NXPH2: variants seen among roughly 807,000 people sequenced by gnomAD.
The protein encoded by NXPH2 is neurexophilin 2.
Under a neutral mutation model 19.8 loss-of-function variants are expected in NXPH2, and 5 were observed. The observed-to-expected ratio is 0.25, with a 90% CI of 0.13 to 0.53. The LOEUF (loss-of-function observed/expected upper bound fraction) is 0.53, where lower values mean the gene tolerates loss of function less well. Among genes scored for constraint, NXPH2 ranks in the 20% least tolerant of loss-of-function variants. NXPH2 has a pLI of 0.96. For missense variants in NXPH2, 289 were observed against 322.8 expected (o/e 0.90, Z 0.80); for synonymous variants, 154 against 127.4 (o/e 1.21, Z -1.41).
At chr2:138,734,327 T>C (rs1343669530) in intron 1 of NXPH2, among the ~76,000 whole-genome samples, 1 of 152,212 alleles carries the variant, frequency 6.6e-6, no homozygotes, top group African/African-American at 2.4e-5. Flanking sequence ...AGGATTTACA[T>C]TGGAGATATT....
chr2:138,714,034 C>A (rs1681152546), intron 1 of NXPH2, among the ~76,000 whole-genome samples: 1 of 151,730 alleles, frequency 6.6e-6, no homozygotes. Context: ...GCAAGAAGAG[C>A]TTCTTTCTTT....
chr2:138,773,203 G>T (rs927411172), intron 1 of NXPH2, among the ~76,000 whole-genome samples: 45 of 152,210 alleles, frequency 3.0e-4, no homozygotes, highest in African/African-American at 1.0e-3. Flanking sequence ...GAGCAACAGG[G>T]TAGGAACTGA....
chr2:138,729,932 C>A (rs766400417), intron 1 of NXPH2, among the ~76,000 whole-genome samples: 1 of 152,152 alleles, frequency 6.6e-6, no homozygotes, highest in African/African-American at 2.4e-5. Flanking sequence ...GACTGGGAGG[C>A]TTAAACAACA....
At chr2:138,714,072 C>T (rs1681153166) in intron 1 of NXPH2, among the ~76,000 whole-genome samples, 1 of 151,918 alleles carries the variant, frequency 6.6e-6, no homozygotes, top group South Asian at 2.1e-4. Context: ...AGTGTAGCAG[C>T]TTAAATATAT....
chr2:138,738,040 T>G (rs1681580508), intron 1 of NXPH2, among the ~76,000 whole-genome samples: 1 of 151,878 alleles, frequency 6.6e-6, no homozygotes, highest in South Asian at 2.1e-4. Flanking sequence ...TAACATTAGG[T>G]GTATCTCCTA....
At chr2:138,748,534 A>G (rs967893950) in intron 1 of NXPH2, among the ~76,000 whole-genome samples, 2 of 152,152 alleles carry the variant, frequency 1.3e-5, no homozygotes. Context: ...TTATTGCTGA[A>G]ATGGATAGAA....
intron 1 of NXPH2, among the ~76,000 whole-genome samples, chr2:138,771,140 T>C (rs1339675493): frequency 1.3e-5 from 2 of 152,108 alleles, no homozygotes; most frequent in Non-Finnish European, 2.9e-5. Context: ...GGAATTTGTG[T>C]TACAGGTATA....
chr2:138,670,697 T>TAGA lies in NXPH2; in HGVS notation c.*224_*225insTCT. The TAGA allele has an allele frequency of 4.6e-6, 2 of 437,048 alleles. No individual in the cohort carries two copies. The highest frequency in any genetic ancestry group is 9.9e-5 in the South Asian group (2 of 20,210). The allele number at this position is 437,048 out of a possible 1,614,324, so 27.1% of individuals were successfully genotyped here. On this transcript the variant is annotated 3_prime_UTR_variant, in exon 2 of 2. Transcript: ENST00000272641. ...AGTCATCTTGCATGAAAGTGATGGT[T>TAGA]TCATAAACAGTTTAACTTTTTAGAT...
Position 138,685,696 on chromosome 2 carries a change from T to C in NXPH2, c.52-14031A>G, listed in dbSNP as rs570046846. 2.0e-5 allele frequency among the ~76,000 whole-genome samples: 3 copies of C among 152,328 alleles called. No homozygotes were observed. The South Asian group carries it at 6.2e-4, about 32-fold the overall frequency. The stretch of plus-strand genomic sequence containing the variant: ...CTTATGTAATTTATTGATGTTCTAC[T>C]AAATGCTTATTGCTTTCATAACACT... On this transcript the variant is annotated intron_variant, in intron 1 of 1. Coordinates refer to ENST00000272641, the MANE Select transcript of NXPH2 (RefSeq NM_007226.3).
intron 1 of NXPH2, among the ~76,000 whole-genome samples, chr2:138,752,168 A>G (rs1300084397): frequency 6.6e-6 from 1 of 152,186 alleles, no homozygotes; most frequent in African/African-American, 2.4e-5. Context: ...TTTTACACTC[A>G]AATCTTATTT....
At chr2:138,769,649 C>T (rs1558933342) in intron 1 of NXPH2, among the ~76,000 whole-genome samples, 1 of 152,130 alleles carries the variant, frequency 6.6e-6, no homozygotes, top group Non-Finnish European at 1.5e-5. Flanking sequence ...CACCCAATTC[C>T]CACCACCCAG....
At chr2:138,745,057 T>C (rs1307313232) in intron 1 of NXPH2, among the ~76,000 whole-genome samples, 2 of 152,154 alleles carry the variant, frequency 1.3e-5, no homozygotes, top group Non-Finnish European at 1.5e-5. Flanking sequence ...ACGACCTGAT[T>C]TCCATCACTC....
At chr2:138,691,328 T>C (rs1680741803) in intron 1 of NXPH2, among the ~76,000 whole-genome samples, 1 of 152,198 alleles carries the variant, frequency 6.6e-6, no homozygotes, top group South Asian at 2.1e-4. Flanking sequence ...GTGTTCTTTC[T>C]AGTATCACTA....
chr2:138,742,929 A>G (rs1681667411), intron 1 of NXPH2, among the ~76,000 whole-genome samples: 1 of 152,232 alleles, frequency 6.6e-6, no homozygotes, highest in Non-Finnish European at 1.5e-5. Context: ...GGTCTCGGAT[A>G]TGGCAACCAC....
chr2:138,738,839 C>G (rs528819545), intron 1 of NXPH2, among the ~76,000 whole-genome samples: 1 of 152,178 alleles, frequency 6.6e-6, no homozygotes, highest in Non-Finnish European at 1.5e-5. Flanking sequence ...GGCACAAAAT[C>G]GGATGATTGG....
At chr2:138,682,083 C>T (rs1573952131) in intron 1 of NXPH2, among the ~76,000 whole-genome samples, 1 of 152,140 alleles carries the variant, frequency 6.6e-6, no homozygotes, top group Non-Finnish European at 1.5e-5. Flanking sequence ...TTTGACAGTA[C>T]TGTCCTATAT....
chr2:138,720,693 C>A (rs1220559455), intron 1 of NXPH2, among the ~76,000 whole-genome samples: 2 of 152,296 alleles, frequency 1.3e-5, no homozygotes, highest in Middle Eastern at 3.4e-3. Context: ...TGGCTCCACA[C>A]GCACTGGCGC....
intron 1 of NXPH2, among the ~76,000 whole-genome samples, chr2:138,715,143 GT>G (rs1044414196): frequency 6.6e-6 from 1 of 152,048 alleles, no homozygotes; most frequent in African/African-American, 2.4e-5. Context: ...CAGTCACTTT[GT>G]TTTTTTACTT....
At chr2:138,730,449 C>T (rs1312619179) in intron 1 of NXPH2, among the ~76,000 whole-genome samples, 4 of 152,130 alleles carry the variant, frequency 2.6e-5, no homozygotes, top group African/African-American at 9.7e-5. Flanking sequence ...ATTTTGGGGG[C>T]ACGATTCAGC....
Sources: allele counts gnomAD v4.1 joint callset (sites outside exome capture counted in the v4.1 genomes callset), GRCh38; gene constraint gnomAD v4.1.1; transcripts MANE v1.5; gene names NCBI Gene and HGNC (gene_info 2026-07-23, HGNC 2026-07-21).